ENOX1: variants seen among roughly 807,000 people sequenced by gnomAD.
ENOX1 encodes the protein ecto-NOX disulfide-thiol exchanger 1.
ENOX1 carries 42 observed loss-of-function variants against 82.5 expected under a neutral mutation model. The observed-to-expected ratio is 0.51, with a 90% CI of 0.40 to 0.66. ENOX1 has a LOEUF of 0.66. ENOX1 is among the 30% of genes least tolerant of loss of function. ENOX1 has a pLI of 0.00. For missense variants in ENOX1, 608 were observed against 811.6 expected (o/e 0.75, Z 3.05); for synonymous variants, 271 against 282.2 (o/e 0.96, Z 0.40).
intron 5 of ENOX1, among the ~76,000 whole-genome samples, chr13:43,365,650 C>T (rs1297911431): frequency 6.6e-6 from 1 of 152,140 alleles, no homozygotes; most frequent in African/African-American, 2.4e-5. Context: ...TTACCTAAGC[C>T]AGGATTCAGG....
At chr13:43,693,662 CA>C (rs1273476256) in intron 1 of ENOX1, among the ~76,000 whole-genome samples, 1 of 152,102 alleles carries the variant, frequency 6.6e-6, no homozygotes, top group Non-Finnish European at 1.5e-5. Context: ...TCTTTTGTCA[CA>C]AAAAATGTTG....
intron 1 of ENOX1, among the ~76,000 whole-genome samples, chr13:43,726,215 C>CT (rs112974839): frequency 0.089 from 12,098 of 135,474 alleles, 787 homozygotes; most frequent in African/African-American, 0.18. Context: ...AATTTTTCAT[C>CT]TTTTTTTTTT....
At chr13:43,634,354 G>A (rs1336679578) in intron 2 of ENOX1, among the ~76,000 whole-genome samples, 1 of 152,170 alleles carries the variant, frequency 6.6e-6, no homozygotes, top group African/African-American at 2.4e-5. Context: ...AGCTCTTCCT[G>A]CTTCCAGTTA....
At chr13:43,496,273 A>C (rs1305925648) in intron 2 of ENOX1, among the ~76,000 whole-genome samples, 1 of 152,126 alleles carries the variant, frequency 6.6e-6, no homozygotes, top group Non-Finnish European at 1.5e-5. Context: ...ACTTTCATGT[A>C]AAGATCTAAT....
chr13:43,679,871 C>G (rs2085700100), intron 1 of ENOX1, among the ~76,000 whole-genome samples: 1 of 152,206 alleles, frequency 6.6e-6, no homozygotes, highest in Non-Finnish European at 1.5e-5. Context: ...GATTAGCTTT[C>G]TTACTTCTTT....
intron 5 of ENOX1, among the ~76,000 whole-genome samples, chr13:43,402,749 T>C (rs944998287): frequency 1.3e-4 from 20 of 152,194 alleles, no homozygotes; most frequent in Non-Finnish European, 2.6e-4. Context: ...AAATCCAATA[T>C]ACAATAATTC....
At chr13:43,737,439 T>G (rs1253060606) in intron 1 of ENOX1, among the ~76,000 whole-genome samples, 1 of 152,164 alleles carries the variant, frequency 6.6e-6, no homozygotes, top group East Asian at 1.9e-4. Flanking sequence ...GCTTGAATAG[T>G]CTGTCAGGTT....
chr13:43,783,368 TTTA>T (rs1349064081), intron 1 of ENOX1, among the ~76,000 whole-genome samples: 6 of 152,182 alleles, frequency 3.9e-5, no homozygotes, highest in Non-Finnish European at 7.3e-5. Context: ...TTATAAGGTT[TTTA>T]TTAAGATAAA....
rs111680985 is a variant in ENOX1, at chr13:43,470,140, A to G, written c.-75+13869T>C. On this transcript the variant is annotated intron_variant, in intron 3 of 16. Transcript: ENST00000690772. ...TAATTTAATATGGATAATAAATCTA[A>G]ACATAAAAAGCTACAACTGTACTAT... 4.1e-3 allele frequency among the ~76,000 whole-genome samples: 609 copies of G among 150,370 alleles called. 7 individuals carry two copies. The highest frequency in any genetic ancestry group is 0.014 in the African/African-American group (581 of 41,054).
At chr13:43,307,601 C>G (rs540383578) in intron 11 of ENOX1, among the ~76,000 whole-genome samples, 1 of 152,188 alleles carries the variant, frequency 6.6e-6, no homozygotes, top group Non-Finnish European at 1.5e-5. Context: ...TTCTCTCCTG[C>G]TTTTACAACC....
At chr13:43,411,240 A>G (rs2054108808) in intron 5 of ENOX1, among the ~76,000 whole-genome samples, 1 of 152,190 alleles carries the variant, frequency 6.6e-6, no homozygotes, top group Non-Finnish European at 1.5e-5. Context: ...AGACACTTAT[A>G]TACATATATA....
intron 5 of ENOX1, among the ~76,000 whole-genome samples, chr13:43,390,809 T>C (rs2052725915): frequency 1.3e-5 from 2 of 152,160 alleles, no homozygotes; most frequent in African/African-American, 2.4e-5. Flanking sequence ...AGTTTTCTTT[T>C]TCATTTCTCA....
chr13:43,282,037 CAG>C (rs911480013), intron 12 of ENOX1, among the ~76,000 whole-genome samples: 2 of 152,126 alleles, frequency 1.3e-5, no homozygotes, highest in African/African-American at 4.8e-5. Context: ...TAACCTTTAA[CAG>C]GATAAGAAAG....
chr13:43,483,356 T>G (rs1286318039), intron 3 of ENOX1, among the ~76,000 whole-genome samples: 1 of 152,208 alleles, frequency 6.6e-6, no homozygotes, highest in Non-Finnish European at 1.5e-5. Context: ...ACTATCTCAA[T>G]AGCAAACATG....
intron 13 of ENOX1, 60 bp from the exon 14 acceptor site, chr13:43,265,514 T>G: frequency 2.9e-6 from 4 of 1,390,224 alleles, no homozygotes; most frequent in Non-Finnish European, 3.0e-6. Flanking sequence ...GCAAATCTCT[T>G]AAGTATATCA....
At chr13:43,717,217 C>T (rs58447995) in intron 1 of ENOX1, among the ~76,000 whole-genome samples, 5,229 of 152,204 alleles carry the variant, frequency 0.034, 241 homozygotes, top group East Asian at 0.24. Context: ...GAATAGCATA[C>T]AGAACCCAGA....
At chr13:43,766,763 C>T (rs1951300188) in intron 1 of ENOX1, among the ~76,000 whole-genome samples, 1 of 152,074 alleles carries the variant, frequency 6.6e-6, no homozygotes, top group Admixed American at 6.5e-5. Flanking sequence ...CAAAAACCAT[C>T]CAAAAAAATT....
chr13:43,355,252 C>A (rs2050072969), intron 8 of ENOX1, among the ~76,000 whole-genome samples: 1 of 152,282 alleles, frequency 6.6e-6, no homozygotes, highest in South Asian at 2.1e-4. Flanking sequence ...GGTACCAGAG[C>A]CTTCCTATGT....
intron 1 of ENOX1, among the ~76,000 whole-genome samples, chr13:43,749,634 A>G (rs1950209524): frequency 6.6e-6 from 1 of 152,208 alleles, no homozygotes; most frequent in African/African-American, 2.4e-5. Context: ...CTTAATTTAA[A>G]GCCTACACAA....
Sources: gnomAD v4.1 joint callset for allele counts (sites outside exome capture counted in the v4.1 genomes callset) on GRCh38, gnomAD v4.1.1 for gene constraint, MANE v1.5 for transcripts, NCBI Gene and HGNC (gene_info 2026-07-23, HGNC 2026-07-21) for gene names.